ADAM18: variants seen among roughly 807,000 people sequenced by gnomAD.
The protein encoded by ADAM18 is ADAM metallopeptidase domain 18.
A neutral mutation model predicts 94.4 loss-of-function variants in ADAM18; 117 were observed. That is an observed-to-expected ratio of 1.24 (90% CI 1.07 to 1.45). ADAM18 has a LOEUF of 1.45. Among genes scored for constraint, ADAM18 ranks in the 40% most tolerant of loss-of-function variants. The probability of loss-of-function intolerance (pLI) is 0.00; values close to 1 mark genes in which losing one functional copy is unlikely to be tolerated. For synonymous variants in ADAM18, 327 were observed against 291.6 expected (o/e 1.12, Z -1.24); for missense variants, 936 against 880.0 (o/e 1.06, Z -0.81).
At chr8:39,709,427 T>A (rs1159348206) in intron 18 of ADAM18, among the ~76,000 whole-genome samples, 1 of 152,170 alleles carries the variant, frequency 6.6e-6, no homozygotes, top group African/African-American at 2.4e-5. Context: ...CATGGGTGGT[T>A]TAGGAAAAGG....
At chr8:39,717,710 T>C (rs970613547) in intron 18 of ADAM18, among the ~76,000 whole-genome samples, 2 of 151,638 alleles carry the variant, frequency 1.3e-5, no homozygotes, top group Non-Finnish European at 3.0e-5. Context: ...AATGATTTCA[T>C]TGTGGGACTA....
At chr8:39,664,024 C>A in intron 13 of ADAM18, 134 bp downstream of exon 13, 1 of 628,642 alleles carries the variant, frequency 1.6e-6, no homozygotes, top group Non-Finnish European at 2.6e-6. Context: ...CATGAACAAA[C>A]ACAAGTTTAA....
At chr8:39,729,805 A>G (rs1823023012) in intron 19 of ADAM18, 93 bp from the exon 20 acceptor site, 1 of 982,858 alleles carries the variant, frequency 1.0e-6, no homozygotes, top group African/African-American at 1.6e-5. Flanking sequence ...ATTATAAAGT[A>G]GAAATTCAGT....
At chr8:39,641,976 C>T (rs1563287666) in intron 10 of ADAM18, among the ~76,000 whole-genome samples, 1 of 152,120 alleles carries the variant, frequency 6.6e-6, no homozygotes, top group Non-Finnish European at 1.5e-5. Flanking sequence ...GATGGTATCT[C>T]ACTGTGATTT....
chr8:39,649,282 T>A (rs2129579629), intron 12 of ADAM18, among the ~76,000 whole-genome samples: 1 of 152,288 alleles, frequency 6.6e-6, no homozygotes, highest in African/African-American at 2.4e-5. Context: ...GTAAAACCTA[T>A]ATGTATGAGG....
intron 17 of ADAM18, among the ~76,000 whole-genome samples, chr8:39,695,067 C>T (rs1821885579): frequency 6.6e-6 from 1 of 151,338 alleles, no homozygotes; most frequent in Non-Finnish European, 1.5e-5. Flanking sequence ...GGCTTATTTG[C>T]TTTTATCATT....
chr8:39,588,882 G>A (rs768315603), intron 2 of ADAM18, among the ~76,000 whole-genome samples: 41 of 152,134 alleles, frequency 2.7e-4, no homozygotes, highest in Non-Finnish European at 5.3e-4. Context: ...TTTAGGATGC[G>A]TGCCTTTGTT....
chr8:39,697,780 A>G (rs903003898), intron 17 of ADAM18, among the ~76,000 whole-genome samples: 1 of 151,732 alleles, frequency 6.6e-6, no homozygotes, highest in Non-Finnish European at 1.5e-5. Context: ...AGTTTAAAAA[A>G]TATAATCTGT....
At chr8:39,671,300 C>T (rs1312289828) in intron 14 of ADAM18, among the ~76,000 whole-genome samples, 1 of 152,170 alleles carries the variant, frequency 6.6e-6, no homozygotes, top group Non-Finnish European at 1.5e-5. Context: ...AATACATTAG[C>T]TGGTACAATT....
chr8:39,715,647 T>C (rs1270571683), intron 18 of ADAM18, among the ~76,000 whole-genome samples: 6 of 151,924 alleles, frequency 3.9e-5, no homozygotes, highest in Non-Finnish European at 2.9e-5. Flanking sequence ...TAAGCGGTAA[T>C]AGAGAAATAT....
intron 19 of ADAM18, among the ~76,000 whole-genome samples, chr8:39,724,814 A>G (rs1822855491): frequency 6.6e-6 from 1 of 151,930 alleles, no homozygotes; most frequent in African/African-American, 2.4e-5. Flanking sequence ...TTGGACTCAT[A>G]CATTAGTTAG....
At chr8:39,692,220 T>G (rs1045092393) in intron 16 of ADAM18, among the ~76,000 whole-genome samples, 2 of 151,856 alleles carry the variant, frequency 1.3e-5, no homozygotes, top group Non-Finnish European at 3.0e-5. Flanking sequence ...TCTGTTCCAA[T>G]TTTTGAGAAG....
intron 7 of ADAM18, among the ~76,000 whole-genome samples, chr8:39,631,433 C>T (rs191469676): frequency 2.0e-4 from 31 of 151,976 alleles, no homozygotes; most frequent in Admixed American, 6.6e-4. Context: ...TCTCCACTTA[C>T]GGAAAATGTC....
rs753905073 is a variant in ADAM18, at chr8:39,609,044, C to G, written c.191C>G (p.Ser64Ter). 2 of 1,544,502 alleles carry G rather than the reference C, an allele frequency of 1.3e-6. No homozygotes were observed. The highest frequency in any genetic ancestry group is 4.1e-5 in the Admixed American group (2 of 49,266). The change falls in exon 4 of 20, where the codon TCA (serine) becomes TGA (stop). Residue 64 changes from serine (S) to a stop codon, truncating the protein, a stop_gained and splice_region_variant. Transcript: ENST00000265707. LOFTEE classifies it high-confidence loss of function. ...QPYTLHLGKQSFLPQNFLVYT... is the reference protein window; with the variant it reads ...QPYTLHLGKQ ...TTTATTATTTCTTGGTTTTTTAGATCATTCTTACCCCAGAACTTTTTGGTT... is the reference window on the plus strand; with the variant it reads ...TTTATTATTTCTTGGTTTTTTAGATGATTCTTACCCCAGAACTTTTTGGTT...
At chr8:39,607,293 A>G (rs554129466) in intron 3 of ADAM18, among the ~76,000 whole-genome samples, 1 of 152,224 alleles carries the variant, frequency 6.6e-6, no homozygotes, top group African/African-American at 2.4e-5. Flanking sequence ...GCAACAATCT[A>G]CTGTTTGTAT....
chr8:39,611,745 C>G, intron 6 of ADAM18, among the ~76,000 whole-genome samples: 1 of 151,672 alleles, frequency 6.6e-6, no homozygotes, highest in East Asian at 1.9e-4. Context: ...AAAAAAAGTG[C>G]CTATAGGTTG....
At chr8:39,718,556 T>C (rs1563319836) in intron 18 of ADAM18, among the ~76,000 whole-genome samples, 2 of 151,368 alleles carry the variant, frequency 1.3e-5, no homozygotes, top group Non-Finnish European at 3.0e-5. Flanking sequence ...GGTGGTAGTA[T>C]GATGGGGTGG....
Position 39,661,144 on chromosome 8 carries a change from T to C in ADAM18, c.1231-2651T>C, listed in dbSNP as rs537183542. On this transcript the variant is annotated intron_variant, in intron 12 of 19. Coordinates refer to ENST00000265707, the MANE Select transcript of ADAM18 (RefSeq NM_014237.3). ...AAAAAAAAACCAAAAAACAACTGTTTCTTCTTCTTCTTTTTTTTTTTTTTT... is the reference window on the plus strand; with the variant it reads ...AAAAAAAAACCAAAAAACAACTGTTCCTTCTTCTTCTTTTTTTTTTTTTTT... 2.2e-5 allele frequency among the ~76,000 whole-genome samples: 3 copies of C among 138,294 alleles called. No individual in the cohort carries two copies. The East Asian group carries it at 6.2e-4, about 29-fold the overall frequency. 90.7% of individuals were successfully genotyped at this position (138,294 alleles called of 152,430 possible).
At chr8:39,695,280 C>T (rs1315601238) in intron 17 of ADAM18, among the ~76,000 whole-genome samples, 2 of 151,480 alleles carry the variant, frequency 1.3e-5, no homozygotes, top group Non-Finnish European at 3.0e-5. Flanking sequence ...CATATAATAG[C>T]AGCATGTTTG....
Sources: allele counts gnomAD v4.1 joint callset (sites outside exome capture counted in the v4.1 genomes callset), GRCh38; gene constraint gnomAD v4.1.1; transcripts MANE v1.5; gene names NCBI Gene and HGNC (gene_info 2026-07-23, HGNC 2026-07-21).